KCNQ1: variants seen among roughly 807,000 people sequenced by gnomAD.
The protein encoded by KCNQ1 is potassium voltage-gated channel subfamily KQT member 1.
Under a neutral mutation model 72.4 loss-of-function variants are expected in KCNQ1, and 49 were observed. The ratio of observed to expected loss-of-function variants is 0.68; its 90% CI spans 0.54 to 0.86. The LOEUF is 0.86. Ranked by LOEUF, KCNQ1 falls within the 40% of genes least tolerant of loss-of-function variation. The pLI is 0.00. For missense variants in KCNQ1, 790 were observed against 945.1 expected (o/e 0.84, Z 2.15); for synonymous variants, 450 against 412.6 (o/e 1.09, Z -1.10).
chr11:2,655,847 G>T, intron 10 of KCNQ1: 1 of 398,630 alleles, frequency 2.5e-6, no homozygotes, highest in South Asian at 1.3e-4. Flanking sequence ...CTCTCCTCTT[G>T]AATTGGAAAA....
intron 1 of KCNQ1, among the ~76,000 whole-genome samples, chr11:2,511,454 G>A (rs533395816): frequency 1.3e-5 from 2 of 152,202 alleles, no homozygotes; most frequent in South Asian, 4.2e-4. Context: ...TGGTAATATG[G>A]CTTACCTGAG....
chr11:2,761,165 G>A (rs1473518216), intron 11 of KCNQ1, among the ~76,000 whole-genome samples: 4 of 152,124 alleles, frequency 2.6e-5, no homozygotes, highest in Non-Finnish European at 5.9e-5. Context: ...GGAGTGGGAG[G>A]GTGGTTTTCC....
At chr11:2,459,637 G>A (rs924889126) in intron 1 of KCNQ1, among the ~76,000 whole-genome samples, 55 of 152,242 alleles carry the variant, frequency 3.6e-4, no homozygotes, top group African/African-American at 1.3e-3. Context: ...CACAGTAGAG[G>A]GCGGCCCTGG....
rs559972461 is a variant in KCNQ1 at position 2,679,835 on chromosome 11, A to G, written c.1514+17754A>G. 1 of 398,558 alleles carries G rather than the reference A, an allele frequency of 2.5e-6. No individual in the cohort carries two copies. The highest frequency in any genetic ancestry group is 3.6e-5 in the East Asian group (1 of 28,078). The allele number at this position is 398,558 out of a possible 1,614,324, so 24.7% of individuals were successfully genotyped here. ...GGGGCCAGACTGCTGCTACTTCTGA[A>G]TTTTATAGGACATGCATTTTTTTCA... On this transcript the variant is annotated intron_variant, in intron 11 of 15. Coordinates refer to ENST00000155840, the MANE Select transcript of KCNQ1 (RefSeq NM_000218.3). This position sits in a 1 kb window ranked among gnomAD's most constrained non-coding sequence, Gnocchi z 4.8.
rs945742946 is a variant in KCNQ1, at chr11:2,642,455, T to C, written c.1394-19506T>C. 1.3e-5 allele frequency: 5 copies of C among 397,992 alleles called. No homozygotes were observed. Among genetic ancestry groups the C allele is most frequent in the Non-Finnish European group, 2.2e-5 (5 of 225,756 alleles). The allele number at this position is 397,992 out of a possible 1,614,324, so 24.7% of individuals were successfully genotyped here. ...GCCTGATTTTTAAATCCTGTAACTG[T>C]AATCAATTTATTGATCAGACTGAAG... On this transcript the variant is annotated intron_variant, in intron 10 of 15. Transcript: ENST00000155840. This position sits in a 1 kb window ranked among gnomAD's most constrained non-coding sequence, Gnocchi z 4.3.
At chr11:2,472,736 A>T (rs11604487) in intron 1 of KCNQ1, among the ~76,000 whole-genome samples, 2 of 151,718 alleles carry the variant, frequency 1.3e-5, no homozygotes, top group Non-Finnish European at 2.9e-5. Flanking sequence ...GCCCATTGTC[A>T]GGCTCCTTCC....
rs1429296446 is a variant in KCNQ1, at chr11:2,723,415, C to T, written c.1515-45429C>T. Among the ~76,000 whole-genome samples the T allele has an allele frequency of 6.6e-6, 1 of 152,254 alleles. No individual in the cohort carries two copies. Among genetic ancestry groups the T allele is most frequent in the African/African-American group, 2.4e-5 (1 of 41,480 alleles). ...TAAAGTGGGATGTGACAATACCCTT[C>T]TTGCTGAATGGGCAGGGAGAGAGGA... On this transcript the variant is annotated intron_variant, in intron 11 of 15. Transcript: ENST00000155840. The surrounding 1 kb of genome is among the most constrained non-coding windows in gnomAD (Gnocchi z 4.2).
At chr11:2,637,096 G>A (rs1045292243) in intron 10 of KCNQ1, 3 of 151,812 alleles carry the variant, frequency 2.0e-5, no homozygotes, top group African/African-American at 7.3e-5. Flanking sequence ...TCTTGCTAGA[G>A]GCCTATCAAT....
chr11:2,719,402 G>A (rs374579536), intron 11 of KCNQ1, among the ~76,000 whole-genome samples: 21 of 151,578 alleles, frequency 1.4e-4, no homozygotes, highest in East Asian at 1.4e-3. Flanking sequence ...GGCTGAGATG[G>A]GAGGATCGCC....
chr11:2,682,399 GCTGTTTC>G lies in KCNQ1; in HGVS notation c.1514+20319_1514+20325del, dbSNP rs1257413483. On this transcript the variant is annotated intron_variant, in intron 11 of 15. Transcript: ENST00000155840. This position sits in a 1 kb window ranked among gnomAD's most constrained non-coding sequence, Gnocchi z 5.8. ...TCAAGGAGCATGAGGGTATAGGCTGGCTGTTTCTATTCAGTGTTTTATCTTCAGTGCT... is the reference window on the plus strand; with the variant it reads ...TCAAGGAGCATGAGGGTATAGGCTGGTATTCAGTGTTTTATCTTCAGTGCT... 1 of 398,526 alleles carries G rather than the reference GCTGTTTC, an allele frequency of 2.5e-6. No homozygotes were observed. The highest frequency in any genetic ancestry group is 4.4e-6 in the Non-Finnish European group (1 of 226,098). The allele number at this position is 398,526 out of a possible 1,614,324, so 24.7% of individuals were successfully genotyped here. A position where few individuals can be genotyped will look rare whatever the true frequency, so the allele number is the denominator to read the frequency against.
At position 2,624,234 on chromosome 11, in the gene KCNQ1, T is replaced by G; in HGVS notation, c.1393+35380T>G. 1 of 398,608 alleles carries G rather than the reference T, an allele frequency of 2.5e-6. No individual in the cohort carries two copies. The highest frequency in any genetic ancestry group is 3.6e-5 in the East Asian group (1 of 28,068). 24.7% of individuals were successfully genotyped at this position (398,608 alleles called of 1,614,324 possible). On this transcript the variant is annotated intron_variant, in intron 10 of 15. Transcript: ENST00000155840. The surrounding 1 kb of genome is among the most constrained non-coding windows in gnomAD (Gnocchi z 4.9). ...TATATCTTCATTGGTGAGATGTCTG[T>G]TAAGGTCTTCAGTCCATTTTGTAAT...
chr11:2,506,541 T>C (rs1847108399), intron 1 of KCNQ1, among the ~76,000 whole-genome samples: 1 of 152,246 alleles, frequency 6.6e-6, no homozygotes, highest in African/African-American at 2.4e-5. Context: ...ATTGTATTCT[T>C]GAAACAATGT....
chr11:2,584,361 T>C (rs1222213072), intron 7 of KCNQ1, among the ~76,000 whole-genome samples: 1 of 151,776 alleles, frequency 6.6e-6, no homozygotes, highest in East Asian at 1.9e-4. Flanking sequence ...GTGTATGTTT[T>C]AGTGTATGTT....
intron 10 of KCNQ1, chr11:2,634,809 G>A (rs549260994): frequency 7.2e-5 from 11 of 152,292 alleles, no homozygotes; most frequent in South Asian, 2.1e-4. Flanking sequence ...GTGTAAAAGC[G>A]TTCCTATTTC....
Position 2,534,960 on chromosome 11 carries a change from C to T in KCNQ1, c.477+6942C>T, listed in dbSNP as rs376654513. ...GCCCTGTGTATGTGCGGGCTGGAGCCCTGGTTCCTGTCTGCACTGAGCCCC... is the reference window on the plus strand; with the variant it reads ...GCCCTGTGTATGTGCGGGCTGGAGCTCTGGTTCCTGTCTGCACTGAGCCCC... On this transcript the variant is annotated intron_variant, in intron 2 of 15. Coordinates refer to ENST00000155840, the MANE Select transcript of KCNQ1 (RefSeq NM_000218.3). Among the ~76,000 whole-genome samples, 20 of 152,326 alleles carry T rather than the reference C, an allele frequency of 1.3e-4. No homozygotes were observed. The South Asian group carries it at 3.9e-3, about 30-fold the overall frequency.
At chr11:2,791,663 C>A (rs1847025423) in intron 15 of KCNQ1, among the ~76,000 whole-genome samples, 1 of 151,924 alleles carries the variant, frequency 6.6e-6, no homozygotes, top group Non-Finnish European at 1.5e-5. Flanking sequence ...CAGGTGTGGA[C>A]CCCGAGGTTG....
intron 10 of KCNQ1, among the ~76,000 whole-genome samples, chr11:2,589,743 C>A (rs1013247147): frequency 6.6e-6 from 1 of 152,220 alleles, no homozygotes; most frequent in Non-Finnish European, 1.5e-5. Context: ...TGAGCACAGA[C>A]ACAGCAGGTG....
Position 2,599,763 on chromosome 11 carries a change from G to C in KCNQ1, c.1393+10909G>C, listed in dbSNP as rs1329374704. On this transcript the variant is annotated intron_variant, in intron 10 of 15. Transcript: ENST00000155840. The surrounding 1 kb of genome is among the most constrained non-coding windows in gnomAD (Gnocchi z 4.7). ...CACTTGCACCCTGGTGTTTCTCTGTGTGTCCAAATATCCTTTTCTTTAAGG... is the reference window on the plus strand; with the variant it reads ...CACTTGCACCCTGGTGTTTCTCTGTCTGTCCAAATATCCTTTTCTTTAAGG... Among the ~76,000 whole-genome samples, 1 of 152,154 alleles carries C rather than the reference G, an allele frequency of 6.6e-6. No individual in the cohort carries two copies. Among genetic ancestry groups the C allele is most frequent in the African/African-American group, 2.4e-5 (1 of 41,414 alleles).
intron 11 of KCNQ1, chr11:2,699,760 C>G (rs1447894857): frequency 2.8e-6 from 1 of 359,684 alleles, no homozygotes; most frequent in Non-Finnish European, 4.7e-6. Flanking sequence ...AGAAGAGCGC[C>G]GCGCTGAGGA....
Sources: gnomAD v4.1 joint callset for allele counts (sites outside exome capture counted in the v4.1 genomes callset) on GRCh38, gnomAD v4.1.1 for gene constraint, Gnocchi (gnomAD v3.1) non-coding constraint, MANE v1.5 for transcripts, NCBI Gene and HGNC (gene_info 2026-07-23, HGNC 2026-07-21) for gene names.